Variants in LINGO2 observed in about 807,000 individuals in gnomAD.
LINGO2 encodes leucine-rich repeat and immunoglobulin-like domain-containing nogo receptor-interacting protein 2.
A neutral mutation model predicts 30.6 loss-of-function variants in LINGO2; 14 were observed. The observed-to-expected ratio is 0.46, with a 90% CI of 0.30 to 0.72. LINGO2 has a LOEUF of 0.72. LINGO2 is among the 30% of genes least tolerant of loss of function. LINGO2 has a pLI of 0.07. For synonymous variants in LINGO2, 317 were observed against 288.5 expected (o/e 1.10, Z -1.00); for missense variants, 729 against 751.7 (o/e 0.97, Z 0.35).
the LINGO2 span, among the ~76,000 whole-genome samples, chr9:28,710,888 TG>T: frequency 6.6e-6 from 1 of 151,810 alleles, no homozygotes; most frequent in Non-Finnish European, 1.5e-5. Context: ...AAAAACAGAG[TG>T]GGTATGTAAT....
intron 5 of LINGO2, among the ~76,000 whole-genome samples, chr9:27,980,533 G>A (rs778713326): frequency 2.2e-4 from 33 of 152,034 alleles, no homozygotes; most frequent in Admixed American, 5.2e-4. Context: ...TGTTTTGACC[G>A]CTGCTAACAA....
intron 4 of LINGO2, among the ~76,000 whole-genome samples, chr9:28,268,953 A>C (rs1564085399): frequency 6.6e-6 from 1 of 152,056 alleles, no homozygotes; most frequent in South Asian, 2.1e-4. Flanking sequence ...TCATCTACTC[A>C]CTTTGGCAGT....
chr9:29,182,090 A>G, the LINGO2 span, among the ~76,000 whole-genome samples: 1 of 152,190 alleles, frequency 6.6e-6, no homozygotes, highest in Non-Finnish European at 1.5e-5. Context: ...AAATAAATAG[A>G]AAGATGAATT....
chr9:28,409,976 GAAAT>G (rs1314373391), intron 2 of LINGO2, among the ~76,000 whole-genome samples: 1 of 148,164 alleles, frequency 6.7e-6, no homozygotes, highest in African/African-American at 2.6e-5. Context: ...GGGAGGGAGA[GAAAT>G]AAAGGGAGAA....
At chr9:28,707,901 G>A in the LINGO2 span, among the ~76,000 whole-genome samples, 1 of 152,004 alleles carries the variant, frequency 6.6e-6, no homozygotes, top group Non-Finnish European at 1.5e-5. Context: ...TCAAAAAACA[G>A]GATCCTGTCA....
intron 4 of LINGO2, among the ~76,000 whole-genome samples, chr9:28,156,173 G>A (rs1005644010): frequency 4.6e-5 from 7 of 152,042 alleles, no homozygotes; most frequent in African/African-American, 9.7e-5. Context: ...TTCTCATTTC[G>A]TCTTATGTAC....
the LINGO2 span, among the ~76,000 whole-genome samples, chr9:28,923,345 T>A: frequency 6.6e-6 from 1 of 152,214 alleles, no homozygotes; most frequent in Non-Finnish European, 1.5e-5. Context: ...GAGTGGCTTT[T>A]AAATCCAAGT....
At chr9:29,048,615 A>T in the LINGO2 span, among the ~76,000 whole-genome samples, 7 of 152,302 alleles carry the variant, frequency 4.6e-5, no homozygotes, top group African/African-American at 1.7e-4. Context: ...ACTGACATAA[A>T]AACAGAGACA....
chr9:29,107,897 C>T, the LINGO2 span, among the ~76,000 whole-genome samples: 1 of 143,654 alleles, frequency 7.0e-6, no homozygotes, highest in African/African-American at 2.7e-5. Context: ...TTCTAGCCAC[C>T]TGAAAATTAA....
intron 1 of LINGO2, among the ~76,000 whole-genome samples, chr9:28,489,454 G>A (rs1318595813): frequency 1.3e-5 from 2 of 152,130 alleles, no homozygotes; most frequent in Non-Finnish European, 2.9e-5. Context: ...ACAGGCATAA[G>A]TCACTGCGTC....
the LINGO2 span, among the ~76,000 whole-genome samples, chr9:28,752,188 A>G: frequency 6.6e-6 from 1 of 151,952 alleles, no homozygotes; most frequent in Non-Finnish European, 1.5e-5. Flanking sequence ...TTGTGTAAGT[A>G]TTGGGCTCCT....
chr9:28,189,179 T>G lies in LINGO2; in HGVS notation c.-87+106029A>C, dbSNP rs150993557. Among the ~76,000 whole-genome samples the G allele has an allele frequency of 7.2e-3, 1,046 of 144,748 alleles. 12 individuals are homozygous for G. Among genetic ancestry groups the G allele is most frequent in the African/African-American group, 0.025 (975 of 38,668 alleles). The allele number at this position is 144,748 out of a possible 152,430, so 95.0% of individuals were successfully genotyped here. A position where few individuals can be genotyped will look rare whatever the true frequency, so the allele number is the denominator to read the frequency against. On this transcript the variant is annotated intron_variant, in intron 4 of 5. Coordinates refer to ENST00000379992, the Ensembl canonical transcript of LINGO2. ...AACCACTCAGAAATGAAAACAAAGA[T>G]AGCCAGAGCAGTGATCTTTTTTTTC...
At chr9:28,944,648 T>A in the LINGO2 span, among the ~76,000 whole-genome samples, 73 of 152,122 alleles carry the variant, frequency 4.8e-4, 1 homozygote, top group African/African-American at 1.7e-3. Flanking sequence ...TCAGGTGATC[T>A]GCCCACCTCG....
intron 3 of LINGO2, among the ~76,000 whole-genome samples, chr9:28,320,179 CTT>C (rs779033652): frequency 6.6e-6 from 1 of 152,078 alleles, no homozygotes; most frequent in Non-Finnish European, 1.5e-5. Context: ...GGTCACATAG[CTT>C]AGTTCCATCA....
chr9:28,169,857 T>C (rs1445999622), intron 4 of LINGO2, among the ~76,000 whole-genome samples: 2 of 152,252 alleles, frequency 1.3e-5, no homozygotes, highest in Non-Finnish European at 1.5e-5. Context: ...GATTGCTTCC[T>C]TCCCAAATAT....
intron 2 of LINGO2, among the ~76,000 whole-genome samples, chr9:28,379,723 TGTCA>T (rs746855258): frequency 1.3e-5 from 2 of 152,102 alleles, no homozygotes; most frequent in Non-Finnish European, 2.9e-5. Flanking sequence ...ACTTTTAAGT[TGTCA>T]TATCGAGATG....
At chr9:29,032,109 T>C in the LINGO2 span, among the ~76,000 whole-genome samples, 1 of 152,156 alleles carries the variant, frequency 6.6e-6, no homozygotes, top group Admixed American at 6.5e-5. Context: ...ATAAACTTCA[T>C]ACGTTTTAAA....
At chr9:28,786,249 C>T in the LINGO2 span, among the ~76,000 whole-genome samples, 1 of 152,120 alleles carries the variant, frequency 6.6e-6, no homozygotes, top group African/African-American at 2.4e-5. Flanking sequence ...TAAAAAAAAC[C>T]TCTCCTACCA....
the LINGO2 span, among the ~76,000 whole-genome samples, chr9:29,068,914 T>C: frequency 3.4e-3 from 518 of 152,022 alleles, 16 homozygotes; most frequent in Admixed American, 0.029. Flanking sequence ...AACAGGGTAA[T>C]ATATGTACTT....
Sources: gnomAD v4.1 joint callset for allele counts (sites outside exome capture counted in the v4.1 genomes callset) on GRCh38, gnomAD v4.1.1 for gene constraint, MANE v1.5 for transcripts, NCBI Gene and HGNC (gene_info 2026-07-23, HGNC 2026-07-21) for gene names.